GPC6: variants seen among roughly 807,000 people sequenced by gnomAD.
GPC6 encodes glypican 6, also known as glypican-6.
GPC6 carries 14 observed loss-of-function variants against 55.2 expected under a neutral mutation model. The observed-to-expected ratio is 0.25, with a 90% CI of 0.17 to 0.40. GPC6 has a LOEUF of 0.40. Among genes scored for constraint, GPC6 ranks in the 10% least tolerant of loss-of-function variants. GPC6 has a pLI of 1.00. For missense variants in GPC6, 641 were observed against 708.5 expected (o/e 0.90, Z 1.08); for synonymous variants, 278 against 259.6 (o/e 1.07, Z -0.68).
chr13:93,912,814 T>G (rs539043495), intron 3 of GPC6, among the ~76,000 whole-genome samples: 24 of 152,238 alleles, frequency 1.6e-4, no homozygotes, highest in African/African-American at 5.8e-4. Flanking sequence ...AAGTCTGAAA[T>G]AAAGGGCTGT....
chr13:93,535,596 G>A (rs903730053), intron 1 of GPC6, among the ~76,000 whole-genome samples: 7 of 150,388 alleles, frequency 4.7e-5, no homozygotes, highest in Non-Finnish European at 8.8e-5. Flanking sequence ...AGAGTCTTAC[G>A]ATATGTTTTC....
intron 1 of GPC6, among the ~76,000 whole-genome samples, chr13:93,337,359 C>T (rs1237432246): frequency 6.6e-6 from 1 of 152,178 alleles, no homozygotes; most frequent in Non-Finnish European, 1.5e-5. Flanking sequence ...TACTACTAGT[C>T]TTCCAGTTCC....
intron 4 of GPC6, among the ~76,000 whole-genome samples, chr13:94,071,552 G>T (rs1312412731): frequency 2.0e-5 from 3 of 152,120 alleles, no homozygotes; most frequent in African/African-American, 4.8e-5. Context: ...CAATCAGGAG[G>T]CTGTATCTGT....
chr13:94,229,757 G>A (rs1470492001), intron 4 of GPC6, among the ~76,000 whole-genome samples: 1 of 152,070 alleles, frequency 6.6e-6, no homozygotes, highest in Admixed American at 6.6e-5. Flanking sequence ...AAGAGTGCTG[G>A]GATAATCCAG....
At position 93,737,193 on chromosome 13, in the gene GPC6, A is replaced by G. The variant is rs927128569; in HGVS notation, c.320-92961A>G. ...GCTTAAGTAAGTTGAACAAACAACTATTTGTAGAAACTAGAATCCTGGTTG... is the reference window on the plus strand; with the variant it reads ...GCTTAAGTAAGTTGAACAAACAACTGTTTGTAGAAACTAGAATCCTGGTTG... On this transcript the variant is annotated intron_variant, in intron 2 of 8. Coordinates refer to ENST00000377047, the MANE Select transcript of GPC6 (RefSeq NM_005708.5). Among the ~76,000 whole-genome samples the G allele has an allele frequency of 7.9e-5, 12 of 152,288 alleles. 1 individual carries two copies. Among genetic ancestry groups the G allele is most frequent in the Admixed American group, 5.9e-4 (9 of 15,280 alleles).
rs1297532847 is a variant in GPC6 at position 94,120,588 on chromosome 13, C to G, written c.877+92694C>G. 2.0e-5 allele frequency among the ~76,000 whole-genome samples: 3 copies of G among 151,814 alleles called. No homozygotes were observed. The East Asian group carries it at 5.8e-4, about 29-fold the overall frequency. On this transcript the variant is annotated intron_variant, in intron 4 of 8. Coordinates refer to ENST00000377047, the MANE Select transcript of GPC6 (RefSeq NM_005708.5). ...TCAATGTGGGTTTAGCAACTGATAGCATTTTACAACTGAGAAAACATTCTG... is the reference window on the plus strand; with the variant it reads ...TCAATGTGGGTTTAGCAACTGATAGGATTTTACAACTGAGAAAACATTCTG...
intron 2 of GPC6, among the ~76,000 whole-genome samples, chr13:93,764,497 C>T (rs1885048404): frequency 6.6e-6 from 1 of 151,498 alleles, no homozygotes. Context: ...AGATGGACCA[C>T]CAAAATTTGA....
intron 3 of GPC6, among the ~76,000 whole-genome samples, chr13:93,834,173 G>A (rs965689290): frequency 1.3e-5 from 2 of 152,148 alleles, no homozygotes; most frequent in Non-Finnish European, 2.9e-5. Context: ...ACAATTAGAC[G>A]TGTAGAAGAG....
chr13:93,942,942 T>A (rs1190735133), intron 3 of GPC6, among the ~76,000 whole-genome samples: 6 of 152,144 alleles, frequency 3.9e-5, no homozygotes, highest in Non-Finnish European at 7.3e-5. Flanking sequence ...CTCCATTCCA[T>A]TTGTCCAAGG....
chr13:93,576,951 C>T (rs1391871736), intron 2 of GPC6, among the ~76,000 whole-genome samples: 2 of 152,128 alleles, frequency 1.3e-5, no homozygotes, highest in Non-Finnish European at 2.9e-5. Context: ...TACAAATGCA[C>T]TTTAACTCCG....
At chr13:94,234,665 T>A (rs571139705) in intron 4 of GPC6, among the ~76,000 whole-genome samples, 1 of 152,268 alleles carries the variant, frequency 6.6e-6, no homozygotes, top group East Asian at 1.9e-4. Flanking sequence ...GGAATAAAAA[T>A]TCTGGTATTG....
intron 4 of GPC6, among the ~76,000 whole-genome samples, chr13:94,181,808 C>T (rs1222513075): frequency 6.6e-6 from 1 of 152,210 alleles, no homozygotes; most frequent in Non-Finnish European, 1.5e-5. Flanking sequence ...GTTATAAAGG[C>T]AAATTAGCTA....
chr13:94,157,299 T>C (rs553650768), intron 4 of GPC6, among the ~76,000 whole-genome samples: 1 of 152,298 alleles, frequency 6.6e-6, no homozygotes, highest in Admixed American at 6.5e-5. Context: ...CCATTTATTT[T>C]CTAGAGAGAG....
intron 3 of GPC6, among the ~76,000 whole-genome samples, chr13:93,857,272 A>G (rs1888651461): frequency 6.6e-6 from 1 of 151,624 alleles, no homozygotes; most frequent in African/African-American, 2.4e-5. Flanking sequence ...GCAGAATGAA[A>G]GAATCACTCT....
At position 93,252,271 on chromosome 13, in the gene GPC6, T is replaced by A. The variant is rs184146539; in HGVS notation, c.160+24655T>A. 3.3e-4 allele frequency among the ~76,000 whole-genome samples: 50 copies of A among 152,202 alleles called. 1 individual carries two copies. Among genetic ancestry groups the A allele is most frequent in the African/African-American group, 1.1e-3 (44 of 41,512 alleles). On this transcript the variant is annotated intron_variant, in intron 1 of 8. Transcript: ENST00000377047. ...CAACTATCAGCAGTTCCCTTTTTTT[T>A]CCCCCCAGGGGTTTGAGAATACATT...
intron 7 of GPC6, among the ~76,000 whole-genome samples, chr13:94,390,930 G>A (rs1402054517): frequency 6.6e-6 from 1 of 152,150 alleles, no homozygotes; most frequent in African/African-American, 2.4e-5. Flanking sequence ...ATAGGAAGAA[G>A]GGAGCATGTT....
intron 6 of GPC6, among the ~76,000 whole-genome samples, chr13:94,312,438 T>A (rs1876295137): frequency 6.6e-6 from 1 of 152,220 alleles, no homozygotes; most frequent in South Asian, 2.1e-4. Context: ...TGTTCTTCCA[T>A]GCCTCTTTGG....
intron 4 of GPC6, among the ~76,000 whole-genome samples, chr13:94,224,820 C>A (rs1890496390): frequency 6.6e-6 from 1 of 152,112 alleles, no homozygotes; most frequent in African/African-American, 2.4e-5. Flanking sequence ...TGTTGCACGA[C>A]CTTTGTTCTT....
intron 1 of GPC6, among the ~76,000 whole-genome samples, chr13:93,353,821 T>C (rs1880724626): frequency 6.6e-6 from 1 of 152,234 alleles, no homozygotes; most frequent in South Asian, 2.1e-4. Context: ...CCTTGCTATT[T>C]GGATGTAAAT....
Sources: gnomAD v4.1 joint callset for allele counts (sites outside exome capture counted in the v4.1 genomes callset) on GRCh38, gnomAD v4.1.1 for gene constraint, MANE v1.5 for transcripts, NCBI Gene and HGNC (gene_info 2026-07-23, HGNC 2026-07-21) for gene names.